Variants in ARMH1 observed in about 807,000 individuals in gnomAD.
The protein encoded by ARMH1 is armadillo-like helical domain containing protein 1.
In ARMH1, 34 loss-of-function variants were observed where a neutral mutation model predicts 50.2. That is an observed-to-expected ratio of 0.68 (90% CI 0.51 to 0.90). ARMH1 has a LOEUF of 0.90. ARMH1 is among the 40% of genes least tolerant of loss of function. The pLI, the probability that ARMH1 is intolerant of heterozygous loss-of-function variation, is 0.00. For missense variants in ARMH1, 538 were observed against 553.9 expected, an observed-to-expected ratio of 0.97 and a Z score of 0.29; for synonymous variants, 221 against 224.2, an observed-to-expected ratio of 0.99 and a Z score of 0.13.
At chr1:44,684,919 C>G (rs970300728) in intron 1 of ARMH1, among the ~76,000 whole-genome samples, 1 of 152,122 alleles carries the variant, frequency 6.6e-6, no homozygotes, top group African/African-American at 2.4e-5. Context: ...ACCTGACTCC[C>G]AACATGCCAT....
chr1:44,702,069 C>T (rs915501816), intron 5 of ARMH1, among the ~76,000 whole-genome samples: 9 of 152,156 alleles, frequency 5.9e-5, no homozygotes, highest in African/African-American at 1.9e-4. Context: ...GGCACCACTG[C>T]ACTCCAGCCT....
At chr1:44,711,200 GTA>G (rs1177269709) in intron 6 of ARMH1, among the ~76,000 whole-genome samples, 1 of 152,166 alleles carries the variant, frequency 6.6e-6, no homozygotes, top group Non-Finnish European at 1.5e-5. Flanking sequence ...GTTCTTTGGG[GTA>G]TATTACCTAG....
At chr1:44,676,359 C>T (rs1645140992) in intron 1 of ARMH1, among the ~76,000 whole-genome samples, 1 of 152,104 alleles carries the variant, frequency 6.6e-6, no homozygotes, top group East Asian at 1.9e-4. Flanking sequence ...CTGGAAGTTG[C>T]AGTGTGGGAG....
intron 1 of ARMH1, among the ~76,000 whole-genome samples, chr1:44,677,336 G>C (rs576486008): frequency 6.6e-6 from 1 of 152,170 alleles, no homozygotes; most frequent in African/African-American, 2.4e-5. Context: ...GCCACCTAGT[G>C]GTGGGTACAC....
intron 1 of ARMH1, among the ~76,000 whole-genome samples, chr1:44,686,591 G>A (rs1323312049): frequency 3.3e-5 from 5 of 152,186 alleles, no homozygotes; most frequent in East Asian, 1.9e-4. Context: ...TAGGAGAATC[G>A]CAGGAACCTG....
chr1:44,714,352 G>A (rs564639563), intron 6 of ARMH1, among the ~76,000 whole-genome samples: 6 of 151,762 alleles, frequency 4.0e-5, no homozygotes, highest in South Asian at 2.1e-4. Flanking sequence ...TTGGGAGGCC[G>A]AGGCCGGCAG....
chr1:44,679,399 T>C (rs1030965247), intron 1 of ARMH1, among the ~76,000 whole-genome samples: 4 of 152,230 alleles, frequency 2.6e-5, no homozygotes, highest in African/African-American at 9.6e-5. Context: ...CATTTTCCAT[T>C]AGTGCTAATT....
In ARMH1 at chr1:44,697,072, C is replaced by T. The variant is rs72671989; in HGVS notation, c.207-30C>T. The T allele has an allele frequency of 1.6e-3, 2,473 of 1,537,278 alleles. 5 individuals are homozygous for T. Among genetic ancestry groups the T allele is most frequent in the South Asian group, 2.0e-3 (166 of 83,708 alleles). ...TCTGGCTTCTGTGTGAAAAACCACC[C>T]TGAAACTCACTCTTTAACGTGTCAT... is the stretch of plus-strand genomic sequence containing the variant. On this transcript the variant is annotated intron_variant, in intron 2 of 11. Transcript: ENST00000535358.
At chr1:44,694,106 TTTAGTGGGTAC>T in intron 2 of ARMH1, among the ~76,000 whole-genome samples, 1 of 152,344 alleles carries the variant, frequency 6.6e-6, no homozygotes, top group Non-Finnish European at 1.5e-5. Context: ...GTGCCTAAAA[TTTAGTGGGTAC>T]TCAGTCAGTG....
At chr1:44,704,996 G>A (rs914401770) in intron 6 of ARMH1, among the ~76,000 whole-genome samples, 14 of 151,654 alleles carry the variant, frequency 9.2e-5, no homozygotes, top group African/African-American at 3.1e-4. Flanking sequence ...CACCATGCCC[G>A]GCTAATTTTT....
At chr1:44,711,062 A>G (rs1252584576) in intron 6 of ARMH1, among the ~76,000 whole-genome samples, 1 of 152,254 alleles carries the variant, frequency 6.6e-6, no homozygotes, top group Non-Finnish European at 1.5e-5. Context: ...ATTCCGTTGT[A>G]TGTATCTACC....
chr1:44,679,410 T>C (rs1645238373), intron 1 of ARMH1, among the ~76,000 whole-genome samples: 1 of 152,270 alleles, frequency 6.6e-6, no homozygotes. Flanking sequence ...AGTGCTAATT[T>C]GTTTGCTTCT....
chr1:44,704,315 T>C (rs1385623822), intron 6 of ARMH1, 142 bp downstream of exon 6: 3 of 692,428 alleles, frequency 4.3e-6, no homozygotes, highest in Non-Finnish European at 5.1e-6. Flanking sequence ...TCAGAAAATG[T>C]CAGTCACACC....
At chr1:44,685,049 TG>T (rs1349449206) in intron 1 of ARMH1, among the ~76,000 whole-genome samples, 3 of 152,080 alleles carry the variant, frequency 2.0e-5, no homozygotes, top group Admixed American at 2.0e-4. Flanking sequence ...AAGCTTCCAC[TG>T]ACTGACATTT....
At chr1:44,717,495 C>T (rs1289065344) in intron 6 of ARMH1, among the ~76,000 whole-genome samples, 2 of 152,236 alleles carry the variant, frequency 1.3e-5, no homozygotes, top group African/African-American at 4.8e-5. Flanking sequence ...TCCTGATTCT[C>T]CATCCCCTAT....
At chr1:44,710,470 G>A (rs895433776) in intron 6 of ARMH1, among the ~76,000 whole-genome samples, 20 of 151,956 alleles carry the variant, frequency 1.3e-4, no homozygotes, top group Middle Eastern at 3.4e-3. Context: ...TTAGCCGGGC[G>A]TGGTGGTGGG....
chr1:44,711,454 CTTG>C (rs1386367904), intron 6 of ARMH1, among the ~76,000 whole-genome samples: 2 of 152,192 alleles, frequency 1.3e-5, no homozygotes, highest in Admixed American at 6.5e-5. Flanking sequence ...GTTTCATAGA[CTTG>C]TTGTCCATTT....
At position 44,724,249 on chromosome 1, in the gene ARMH1, G is replaced by A. The variant is rs376130625; in HGVS notation, c.847+5G>A. On this transcript the variant is annotated splice_donor_5th_base_variant and intron_variant, in intron 7 of 11. Coordinates refer to ENST00000535358, the MANE Select transcript of ARMH1 (RefSeq NM_001145636.2). The surrounding 1 kb of genome is among the most constrained non-coding windows in gnomAD (Gnocchi z 6.4). ...TGCAGGCCAAGATCCTCAGTGGTAA[G>A]GACCTGCTCAAATGGGGCTGCCTGG... 17 of 1,551,670 alleles carry A rather than the reference G, an allele frequency of 1.1e-5. No individual in the cohort carries two copies. The highest frequency in any genetic ancestry group is 1.4e-5 in the Non-Finnish European group (16 of 1,146,954).
At chr1:44,721,761 GTC>G (rs997862973) in intron 6 of ARMH1, 2 of 152,086 alleles carry the variant, frequency 1.3e-5, no homozygotes, top group African/African-American at 4.8e-5. Flanking sequence ...CCACCCACAC[GTC>G]TCTCTTTAGT....
Sources: allele counts gnomAD v4.1 joint callset (sites outside exome capture counted in the v4.1 genomes callset), GRCh38; gene constraint gnomAD v4.1.1; non-coding constraint Gnocchi (gnomAD v3.1); transcripts MANE v1.5; gene names NCBI Gene and HGNC (gene_info 2026-07-23, HGNC 2026-07-21).